Variants in CADM2 observed in about 807,000 individuals in gnomAD.
CADM2 encodes cell adhesion molecule 2, also known as immunoglobulin superfamily member 4D.
CADM2 carries 12 observed loss-of-function variants against 49.8 expected under a neutral mutation model. The observed-to-expected ratio is 0.24, with a 90% CI of 0.15 to 0.39. The LOEUF (loss-of-function observed/expected upper bound fraction) is 0.39. CADM2 is among the 10% of genes least tolerant of loss of function. The pLI, the probability that CADM2 is intolerant of heterozygous loss-of-function variation, is 1.00. For synonymous variants in CADM2, 214 were observed against 175.4 expected (o/e 1.22, Z -1.74); for missense variants, 378 against 492.3 (o/e 0.77, Z 2.20).
At chr3:84,984,407 C>T (rs2032424548) in intron 1 of CADM2, among the ~76,000 whole-genome samples, 1 of 147,262 alleles carries the variant, frequency 6.8e-6, no homozygotes, top group Non-Finnish European at 1.5e-5. Context: ...GTCCTTAACC[C>T]CTCCATCTCC....
At chr3:85,212,971 C>T (rs1398318659) in intron 1 of CADM2, among the ~76,000 whole-genome samples, 1 of 151,452 alleles carries the variant, frequency 6.6e-6, no homozygotes, top group Non-Finnish European at 1.5e-5. Flanking sequence ...ACCTTCGCCT[C>T]CTGGGTTCAA....
intron 1 of CADM2, among the ~76,000 whole-genome samples, chr3:85,119,521 T>C (rs1232849292): frequency 1.3e-5 from 2 of 152,194 alleles, no homozygotes; most frequent in African/African-American, 4.8e-5. Flanking sequence ...TAGTTTTTTT[T>C]TCTAATTCTG....
intron 1 of CADM2, among the ~76,000 whole-genome samples, chr3:85,269,814 T>C (rs1292621471): frequency 6.6e-6 from 1 of 151,468 alleles, no homozygotes; most frequent in Non-Finnish European, 1.5e-5. Flanking sequence ...TTTAATTTTC[T>C]TCTTTTTGAA....
intron 2 of CADM2, among the ~76,000 whole-genome samples, chr3:85,750,683 A>G (rs190861745): frequency 1.1e-3 from 175 of 152,228 alleles, no homozygotes; most frequent in African/African-American, 3.9e-3. Context: ...AAATATATCA[A>G]GTGCCATGGT....
At chr3:85,454,351 A>C (rs1266952134) in intron 1 of CADM2, among the ~76,000 whole-genome samples, 1 of 152,034 alleles carries the variant, frequency 6.6e-6, no homozygotes, top group African/African-American at 2.4e-5. Flanking sequence ...AGTTTTTAAA[A>C]AAATGCAAGC....
chr3:85,348,912 T>C (rs765148018), intron 1 of CADM2, among the ~76,000 whole-genome samples: 1 of 152,164 alleles, frequency 6.6e-6, no homozygotes, highest in Non-Finnish European at 1.5e-5. Context: ...GTCTTGTTTT[T>C]CATCAATGAA....
chr3:85,003,862 T>C (rs2033594084), intron 1 of CADM2, among the ~76,000 whole-genome samples: 2 of 152,146 alleles, frequency 1.3e-5, no homozygotes, highest in Admixed American at 1.3e-4. Flanking sequence ...TTGAAATAGA[T>C]GGTTTAATTT....
chr3:85,297,540 T>G (rs2043996290), intron 1 of CADM2, among the ~76,000 whole-genome samples: 1 of 152,044 alleles, frequency 6.6e-6, no homozygotes. Context: ...GACAGGGTAC[T>G]GGGGTCTCAG....
intron 1 of CADM2, among the ~76,000 whole-genome samples, chr3:84,974,600 C>G (rs1408305504): frequency 6.6e-6 from 1 of 151,936 alleles, no homozygotes; most frequent in Admixed American, 6.6e-5. Context: ...CTGTTCTGTT[C>G]ATTAAATACT....
At chr3:85,317,677 G>A (rs1232506385) in intron 1 of CADM2, among the ~76,000 whole-genome samples, 1 of 152,014 alleles carries the variant, frequency 6.6e-6, no homozygotes, top group Non-Finnish European at 1.5e-5. Context: ...TTTATAGTGG[G>A]ATTTATCCAT....
At chr3:85,583,352 A>G (rs1379588011) in intron 1 of CADM2, among the ~76,000 whole-genome samples, 1 of 152,100 alleles carries the variant, frequency 6.6e-6, no homozygotes, top group Non-Finnish European at 1.5e-5. Flanking sequence ...CCATATTCAC[A>G]CTGTTGTTTA....
intron 2 of CADM2, among the ~76,000 whole-genome samples, chr3:85,762,928 A>T (rs2069463604): frequency 6.6e-6 from 1 of 151,762 alleles, no homozygotes; most frequent in African/African-American, 2.4e-5. Context: ...ATACCATTTT[A>T]TTATATATTT....
rs911132598 is a variant in CADM2 at position 86,073,785 on chromosome 3, C to A, written c.*7002C>A. ...ACAAAACATACTTCTTTATGCCAAA[C>A]ACATTATTTTGAATACCTTTTTTTC... On this transcript the variant is annotated 3_prime_UTR_variant, in exon 10 of 10. Transcript: ENST00000383699. The A allele has an allele frequency of 6.6e-6, 1 of 151,984 alleles. No homozygotes were observed. Among genetic ancestry groups the A allele is most frequent in the African/African-American group, 2.4e-5 (1 of 41,422 alleles). 9.4% of individuals were successfully genotyped at this position (151,984 alleles called of 1,614,324 possible).
intron 7 of CADM2, among the ~76,000 whole-genome samples, chr3:85,953,268 C>T (rs1723664526): frequency 6.6e-6 from 1 of 150,946 alleles, no homozygotes; most frequent in African/African-American, 2.4e-5. Context: ...TTATAGTTTG[C>T]CTTTTGCTTT....
chr3:85,999,263 C>CCGG (rs1729822504), intron 8 of CADM2, among the ~76,000 whole-genome samples: 1 of 142,258 alleles, frequency 7.0e-6, no homozygotes, highest in Non-Finnish European at 1.5e-5. Flanking sequence ...CTTTGGGAGG[C>CCGG]CGAGGGTTGG....
At chr3:85,725,107 T>C (rs1436471770) in intron 1 of CADM2, among the ~76,000 whole-genome samples, 1 of 151,924 alleles carries the variant, frequency 6.6e-6, no homozygotes, top group African/African-American at 2.4e-5. Flanking sequence ...TTTGAATGGG[T>C]CAAGGACTTA....
At chr3:85,048,889 A>G (rs1436207950) in intron 1 of CADM2, among the ~76,000 whole-genome samples, 2 of 152,218 alleles carry the variant, frequency 1.3e-5, no homozygotes, top group African/African-American at 4.8e-5. Flanking sequence ...AATCTTGGGC[A>G]TAAAATAAAT....
At chr3:85,918,462 A>ACCAGC (rs1718673860) in intron 6 of CADM2, among the ~76,000 whole-genome samples, 1 of 151,920 alleles carries the variant, frequency 6.6e-6, no homozygotes, top group Non-Finnish European at 1.5e-5. Flanking sequence ...ACATTTATTG[A>ACCAGC]TTTTCGTATG....
chr3:85,828,361 A>G lies in CADM2; in HGVS notation c.238+26165A>G, dbSNP rs9868806. ...AACAAAAATAGATTTTTAAAATAGG[A>G]ATTTTAAAACAGGAATAATCTTTGA... On this transcript the variant is annotated intron_variant, in intron 3 of 9. Transcript: ENST00000383699. Among the ~76,000 whole-genome samples the G allele has an allele frequency of 2.6e-3, 400 of 152,082 alleles. 1 individual carries two copies. The highest frequency in any genetic ancestry group is 9.3e-3 in the African/African-American group (386 of 41,520).
Sources: gnomAD v4.1 joint callset for allele counts (sites outside exome capture counted in the v4.1 genomes callset) on GRCh38, gnomAD v4.1.1 for gene constraint, MANE v1.5 for transcripts, NCBI Gene and HGNC (gene_info 2026-07-23, HGNC 2026-07-21) for gene names.